The following DPP10 variants were observed in gnomAD, a reference collection of about 807,000 sequenced individuals.
DPP10 encodes the protein dipeptidyl peptidase like 10, also known as inactive dipeptidyl peptidase 10.
In DPP10, 33 loss-of-function variants were observed where a neutral mutation model predicts 120.9. The observed-to-expected ratio is 0.27, with a 90% CI of 0.21 to 0.37. The LOEUF is 0.37. DPP10 is among the 10% of genes least tolerant of loss of function. DPP10 has a pLI of 1.00. For missense variants in DPP10, 816 were observed against 942.8 expected (o/e 0.87, Z 1.76); for synonymous variants, 337 against 326.1 (o/e 1.03, Z -0.36).
intron 1 of DPP10, among the ~76,000 whole-genome samples, chr2:114,741,358 G>A (rs757883441): frequency 6.6e-6 from 1 of 152,162 alleles, no homozygotes; most frequent in Non-Finnish European, 1.5e-5. Flanking sequence ...GACTAAGAGA[G>A]CCACATAAGA....
At chr2:115,473,172 T>C (rs1182714830) in intron 3 of DPP10, among the ~76,000 whole-genome samples, 3 of 152,222 alleles carry the variant, frequency 2.0e-5, no homozygotes, top group African/African-American at 7.2e-5. Context: ...AGCATTGTAA[T>C]ATTATTTTGG....
chr2:114,953,770 A>G (rs1270683236), intron 1 of DPP10, among the ~76,000 whole-genome samples: 1 of 152,140 alleles, frequency 6.6e-6, no homozygotes, highest in African/African-American at 2.4e-5. Context: ...GTACCGTATT[A>G]TGAATGTTCT....
At position 115,488,737 on chromosome 2, in the gene DPP10, G is replaced by A. The variant is rs529059891; in HGVS notation, c.272-10773G>A. ...ACACTCCTGGGACTGTGGTGGGGTC[G>A]GGGGAGGGGGGAGGGATAGCATTGG... On this transcript the variant is annotated intron_variant, in intron 3 of 25. Transcript: ENST00000410059. Among the ~76,000 whole-genome samples, 17 of 122,754 alleles carry A rather than the reference G, an allele frequency of 1.4e-4. No individual in the cohort carries two copies. In the South Asian group the frequency reaches 4.2e-3, roughly 30 times the overall value. 80.5% of individuals were successfully genotyped at this position (122,754 alleles called of 152,430 possible). A position where few individuals can be genotyped will look rare whatever the true frequency, so the allele number is the denominator to read the frequency against.
intron 5 of DPP10, among the ~76,000 whole-genome samples, chr2:115,687,326 G>A (rs1300045096): frequency 6.6e-6 from 1 of 151,870 alleles, no homozygotes; most frequent in Non-Finnish European, 1.5e-5. Context: ...TTTTCTTATT[G>A]AAAGTTAAAA....
chr2:115,640,102 T>C (rs1397916375), intron 5 of DPP10, among the ~76,000 whole-genome samples: 1 of 152,090 alleles, frequency 6.6e-6, no homozygotes, highest in Non-Finnish European at 1.5e-5. Flanking sequence ...GAGTGTTGAA[T>C]GGAGTAAAAG....
rs1485355696 is a variant in DPP10 at position 115,451,928 on chromosome 2, AGGT to A, written c.272-47577_272-47575del. ...TGTGTCTGTGTATCTGTGTTTATAGAGGTGGTGAAAATTTATTAAATCCCCCCA... is the reference window on the plus strand; with the variant it reads ...TGTGTCTGTGTATCTGTGTTTATAGAGGTGAAAATTTATTAAATCCCCCCA... On this transcript the variant is annotated intron_variant, in intron 3 of 25. Transcript: ENST00000410059. 2.0e-5 allele frequency among the ~76,000 whole-genome samples: 3 copies of A among 151,640 alleles called. No homozygotes were observed. In the East Asian group the frequency reaches 5.8e-4, roughly 29 times the overall value.
At chr2:114,657,049 G>A (rs996460111) in intron 1 of DPP10, among the ~76,000 whole-genome samples, 1 of 152,110 alleles carries the variant, frequency 6.6e-6, no homozygotes, top group Non-Finnish European at 1.5e-5. Flanking sequence ...TCAGGGATTT[G>A]AAGAGCCCAT....
chr2:115,420,107 G>T (rs777780024), intron 3 of DPP10, among the ~76,000 whole-genome samples: 7 of 152,106 alleles, frequency 4.6e-5, no homozygotes, highest in Non-Finnish European at 1.0e-4. Context: ...AAATATTTCG[G>T]TCCAGAACTT....
intron 1 of DPP10, among the ~76,000 whole-genome samples, chr2:115,267,871 A>G (rs753241011): frequency 2.0e-5 from 3 of 152,070 alleles, no homozygotes; most frequent in Non-Finnish European, 4.4e-5. Context: ...GTCTTATTTA[A>G]TGGTAATTTA....
Position 114,899,332 on chromosome 2 carries a change from G to T in DPP10, c.61-409907G>T, listed in dbSNP as rs1693338366. On this transcript the variant is annotated intron_variant, in intron 1 of 25. Coordinates refer to ENST00000410059, the MANE Select transcript of DPP10 (RefSeq NM_020868.6). ...TAAAATAGACAACCACGAAAAAAAT[G>T]CATTAAACATTGATGTAAAAATTAA... Among the ~76,000 whole-genome samples, 4 of 151,974 alleles carry T rather than the reference G, an allele frequency of 2.6e-5. No homozygotes were observed. In the South Asian group the frequency reaches 6.2e-4, roughly 24 times the overall value.
rs370371026 is a variant in DPP10, at chr2:115,535,874, A to T, written c.441+9902A>T. Among the ~76,000 whole-genome samples the T allele has an allele frequency of 4.1e-4, 62 of 152,106 alleles. 3 individuals carry two copies. In the East Asian group the frequency reaches 9.7e-3, roughly 24 times the overall value. The stretch of plus-strand genomic sequence containing the variant: ...CTAGGTATTTTATTCTCTTTGAAGC[A>T]ATTGTGAATGGGAGTTCACTCATGA... On this transcript the variant is annotated intron_variant, in intron 5 of 25. Transcript: ENST00000410059.
chr2:115,651,008 T>G (rs191458462), intron 5 of DPP10, among the ~76,000 whole-genome samples: 3 of 152,152 alleles, frequency 2.0e-5, no homozygotes, highest in Admixed American at 2.0e-4. Context: ...GAGAGCCCCA[T>G]GCCACCATAC....
At chr2:114,787,063 A>C (rs1442835383) in intron 1 of DPP10, among the ~76,000 whole-genome samples, 1 of 152,222 alleles carries the variant, frequency 6.6e-6, no homozygotes, top group Non-Finnish European at 1.5e-5. Context: ...GGAGTGTCAG[A>C]TGCTGATACG....
intron 1 of DPP10, among the ~76,000 whole-genome samples, chr2:115,005,114 A>AC (rs1292679410): frequency 6.6e-6 from 1 of 151,738 alleles, no homozygotes; most frequent in Non-Finnish European, 1.5e-5. Context: ...GCACACTGAC[A>AC]CCTCACACTG....
chr2:115,452,413 C>T (rs2073180261), intron 3 of DPP10, among the ~76,000 whole-genome samples: 1 of 151,912 alleles, frequency 6.6e-6, no homozygotes, highest in South Asian at 2.1e-4. Flanking sequence ...GCTTTTCTCT[C>T]CCATCCCAAT....
chr2:114,832,261 T>C (rs2139410), intron 1 of DPP10, among the ~76,000 whole-genome samples: 147,964 of 152,324 alleles, frequency 0.97, 72,021 homozygotes, highest in Middle Eastern at 1. Flanking sequence ...TGGCCGGGGG[T>C]GGTGGCTCAC....
chr2:115,343,006 G>A, intron 2 of DPP10, among the ~76,000 whole-genome samples: 1 of 152,154 alleles, frequency 6.6e-6, no homozygotes, highest in Non-Finnish European at 1.5e-5. Flanking sequence ...CAACCGAAGT[G>A]AAGGTCATAG....
At chr2:115,620,248 C>T (rs560320900) in intron 5 of DPP10, among the ~76,000 whole-genome samples, 3 of 152,278 alleles carry the variant, frequency 2.0e-5, no homozygotes, top group South Asian at 2.1e-4. Context: ...TTTACACACA[C>T]GCCCACACAT....
At chr2:114,521,200 T>C (rs1008927196) in intron 1 of DPP10, among the ~76,000 whole-genome samples, 15 of 150,862 alleles carry the variant, frequency 9.9e-5, no homozygotes, top group African/African-American at 3.4e-4. Context: ...TAATAAAAGA[T>C]AACAACTTAA....
Sources: gnomAD v4.1 joint callset for allele counts (sites outside exome capture counted in the v4.1 genomes callset) on GRCh38, gnomAD v4.1.1 for gene constraint, MANE v1.5 for transcripts, NCBI Gene and HGNC (gene_info 2026-07-23, HGNC 2026-07-21) for gene names.